The following TTN variants were observed in gnomAD, a reference collection of about 807,000 sequenced individuals.
TTN encodes titin.
In TTN, 1,525 loss-of-function variants were observed where a neutral mutation model predicts 3,223.0. That is an observed-to-expected ratio of 0.47 (90% CI 0.45 to 0.49). TTN has a LOEUF of 0.49. Ranked by LOEUF, TTN falls within the 20% of genes least tolerant of loss-of-function variation. The probability of loss-of-function intolerance (pLI) is 0.00; values close to 1 mark genes in which losing one functional copy is unlikely to be tolerated. For synonymous variants in TTN, 14,094 were observed against 15,161.0 expected, an observed-to-expected ratio of 0.93 and a Z score of 5.17; for missense variants, 40,786 against 43,424.0, an observed-to-expected ratio of 0.94 and a Z score of 5.40.
Position 178,790,756 on chromosome 2 carries a change from T to C in TTN, c.1752A>G (p.Gln584=), listed in dbSNP as rs1438893569. The C allele has an allele frequency of 3.7e-6, 6 of 1,614,168 alleles. No homozygotes were observed. The highest frequency in any genetic ancestry group is 5.1e-6 in the Non-Finnish European group (6 of 1,180,004). ...GATCTTGTTGTGTGGTAGTTTCTTC[T>C]TGAGCTCCCGGGACTGTTTCTAGTT... ...STKLETVPGA[Q]EETTTQQDQM... Residue 584 remains glutamine (Q), a synonymous_variant, in exon 11 of 363, where the codon CAA becomes CAG. Transcript: ENST00000589042.
intron 288 of TTN, 146 bp downstream of exon 288, chr2:178,600,708 G>A (rs2053151113): frequency 5.6e-6 from 5 of 900,360 alleles, no homozygotes; most frequent in Non-Finnish European, 8.9e-6. Context: ...GAAGGAATGA[G>A]TAATTAAGTA....
At position 178,538,817 on chromosome 2, in the gene TTN, T is replaced by A; in HGVS notation, c.99012A>T (p.Glu33004Asp). The change falls in exon 354 of 363, where the codon GAA (glutamate) becomes GAT (aspartate). Residue 33004 changes from glutamate (E) to aspartate (D), a missense_variant. By Grantham distance (45) the Glu-to-Asp change is conservative. Coordinates refer to ENST00000589042, the MANE Select transcript of TTN (RefSeq NM_001267550.2). ...CTTTGGATATTGAAAGAATCTCAAG[T>A]TCTCCTGGTTGGCTTGGTTTATCTG... is the stretch of plus-strand genomic sequence containing the variant. ...DPFDKPSQPG[E>D]LEILSISKDS... 1 of 1,608,732 alleles carries A rather than the reference T, an allele frequency of 6.2e-7. No homozygotes were observed. Among genetic ancestry groups the A allele is most frequent in the Non-Finnish European group, 8.5e-7 (1 of 1,176,992 alleles).
At chr2:178,748,326 T>C in intron 47 of TTN, 1 of 1,613,040 alleles carries the variant, frequency 6.2e-7, no homozygotes, top group Non-Finnish European at 8.5e-7. Flanking sequence ...TCATCAATAC[T>C]ACTTTTCTCC....
rs1341976262 is a variant in TTN, at chr2:178,655,279, T to TAG, written c.38039-285_38039-284insCT. Reference sequence around the variant, plus strand: ...CAATAAATTAGGTATTGATGGGACATATCTCAAAATAATAAGAGCTATTTA... The same window carrying TAG: ...CAATAAATTAGGTATTGATGGGACATAGATCTCAAAATAATAAGAGCTATTTA... On this transcript the variant is annotated intron_variant, in intron 189 of 362. Transcript: ENST00000589042. Among the ~76,000 whole-genome samples the TAG allele has an allele frequency of 1.4e-5, 2 of 138,888 alleles. 1 individual carries two copies. Among genetic ancestry groups the TAG allele is most frequent in the African/African-American group, 6.0e-5 (2 of 33,194 alleles). 91.1% of individuals were successfully genotyped at this position (138,888 alleles called of 152,430 possible). A position where few individuals can be genotyped will look rare whatever the true frequency, so the allele number is the denominator to read the frequency against.
chr2:178,530,375 C>T lies in TTN; in HGVS notation c.106240G>A (p.Glu35414Lys), dbSNP rs1558984927. 1 of 1,613,808 alleles carries T rather than the reference C, an allele frequency of 6.2e-7. No homozygotes were observed. The highest frequency in any genetic ancestry group is 1.7e-5 in the Admixed American group (1 of 60,010). The change falls in exon 358 of 363, where the codon GAA becomes AAA. Residue 35414 changes from glutamate (E) to lysine (K), a missense_variant. By Grantham distance (56) the Glu-to-Lys change is moderately conservative. Coordinates refer to ENST00000589042, the MANE Select transcript of TTN (RefSeq NM_001267550.2). Reference protein sequence around the residue: ...VTRKTEPKAPEPISSKPVIVT... With the variant: ...VTRKTEPKAPKPISSKPVIVT... ...ATTACTGGTTTTGAGGAAATTGGTTCAGGAGCTTTTGGTTCAGTTTTTCTG... is the reference window on the plus strand; with the variant it reads ...ATTACTGGTTTTGAGGAAATTGGTTTAGGAGCTTTTGGTTCAGTTTTTCTG...
At position 178,768,806 on chromosome 2, in the gene TTN, T is replaced by C. The variant is rs1263075487; in HGVS notation, c.9030A>G (p.Ser3010=). ...KWLKNGVEIK[S]TDKCQMRTKK... is the part of the protein sequence containing the mutation. The stretch of plus-strand genomic sequence containing the variant: ...TGGTTCTCATCTGGCACTTGTCAGT[T>C]GATTTGATTTCCACACCATTCTTTA... The change falls in exon 38 of 363, where the codon TCA becomes TCG. Residue 3010 remains serine, a synonymous_variant. Coordinates refer to ENST00000589042, the MANE Select transcript of TTN (RefSeq NM_001267550.2). 1.2e-6 allele frequency: 2 copies of C among 1,614,130 alleles called. No homozygotes were observed. Among genetic ancestry groups the C allele is most frequent in the Non-Finnish European group, 1.7e-6 (2 of 1,180,016 alleles).
At position 178,599,540 on chromosome 2, in the gene TTN, C is replaced by A; in HGVS notation, c.56347+14G>T. ...GAAAAACAAGTAATTTTAACCAAAC[C>A]ATGCAGTCTTTACCCAGGACATTCA... On this transcript the variant is annotated intron_variant, in intron 289 of 362. Transcript: ENST00000589042. 1.3e-6 allele frequency: 2 copies of A among 1,531,828 alleles called. No individual in the cohort carries two copies. The highest frequency in any genetic ancestry group is 1.3e-5 in the South Asian group (1 of 75,354). The allele number at this position is 1,531,828 out of a possible 1,614,324, so 94.9% of individuals were successfully genotyped here. A position where few individuals can be genotyped will look rare whatever the true frequency, so the allele number is the denominator to read the frequency against.
At chr2:178,701,328 A>G in intron 110 of TTN, 125 bp from the exon 111 acceptor site, 2 of 1,054,480 alleles carry the variant, frequency 1.9e-6, no homozygotes, top group East Asian at 2.5e-5. Context: ...ATCAGTCGGA[A>G]CAAATAAAAG....
rs2092247232 is a variant in TTN, at chr2:178,776,535, A to G, written c.5329T>C (p.Cys1777Arg). The G allele has an allele frequency of 6.2e-7, 1 of 1,610,910 alleles. No homozygotes were observed. The highest frequency in any genetic ancestry group is 8.5e-7 in the Non-Finnish European group (1 of 1,179,988). ...AYSRDSGIITCRATNKYGTDH... is the reference protein window; with the variant it reads ...AYSRDSGIITRRATNKYGTDH... ...GTTCCATATTTGTTAGTGGCTCTGC[A>G]AGTAATGATACCACTGTCTCTAGAA... Residue 1777 changes from cysteine to arginine, a missense_variant, in exon 28 of 363, where the codon TGC becomes CGC. Physicochemically the swap from Cys to Arg is radical, Grantham distance 180. Transcript: ENST00000589042.
intron 45 of TTN, among the ~76,000 whole-genome samples, chr2:178,757,231 T>TA (rs1252574568): frequency 5.2e-4 from 77 of 148,750 alleles, no homozygotes; most frequent in Admixed American, 1.0e-3. Context: ...TAAGTAATAA[T>TA]CAGCAAATAG....
rs117386090 is a variant in TTN at position 178,698,553 on chromosome 2, T to C, written c.30754+290A>G. ...ATAAAAAAGAAAAAAAAAGAATAGCTGTTGGATTTCTGGGCAAGACCTTCT... is the reference window on the plus strand; with the variant it reads ...ATAAAAAAGAAAAAAAAAGAATAGCCGTTGGATTTCTGGGCAAGACCTTCT... On this transcript the variant is annotated intron_variant, in intron 112 of 362. Coordinates refer to ENST00000589042, the MANE Select transcript of TTN (RefSeq NM_001267550.2). Among the ~76,000 whole-genome samples, 7 of 151,918 alleles carry C rather than the reference T, an allele frequency of 4.6e-5. No homozygotes were observed. The East Asian group carries it at 1.2e-3, about 25-fold the overall frequency.
intron 47 of TTN, chr2:178,745,445 T>A (rs3813240): frequency 0.027 from 40,271 of 1,471,170 alleles, 930 homozygotes; most frequent in East Asian, 0.13. Context: ...TACATAGAGA[T>A]TATTTCTTTA....
Position 178,633,336 on chromosome 2 carries a change from T to A in TTN, c.42947-10A>T. 1 of 1,612,980 alleles carries A rather than the reference T, an allele frequency of 6.2e-7. No individual in the cohort carries two copies. ...ACTTTTATTAGTCGAGCTGAAATGA[T>A]ACAGTTTTGTTAGCATGACTGAACT... On this transcript the variant is annotated splice_polypyrimidine_tract_variant and intron_variant, in intron 232 of 362. Transcript: ENST00000589042.
chr2:178,617,301 C>G (rs1408498082), intron 254 of TTN, 24 bp downstream of exon 254: 1 of 1,545,592 alleles, frequency 6.5e-7, no homozygotes, highest in Non-Finnish European at 8.7e-7. Context: ...ATTGAATATT[C>G]TTTTTTATAT....
rs1559976086 is a variant in TTN at position 178,634,716 on chromosome 2, C to T, written c.42151+7G>A. 1 of 1,612,842 alleles carries T rather than the reference C, an allele frequency of 6.2e-7. No individual in the cohort carries two copies. The highest frequency in any genetic ancestry group is 8.5e-7 in the Non-Finnish European group (1 of 1,179,328). On this transcript the variant is annotated splice_region_variant and intron_variant, in intron 229 of 362. Coordinates refer to ENST00000589042, the MANE Select transcript of TTN (RefSeq NM_001267550.2). This position sits in a 1 kb window ranked among gnomAD's most constrained non-coding sequence, Gnocchi z 4.6. The stretch of plus-strand genomic sequence containing the variant: ...AGACCCCTCCCCAAATTCTAAAAGC[C>T]CCATACCTTTTACTGTCAAAATGGC...
At position 178,694,593 on chromosome 2, in the gene TTN, GTA is replaced by G. The variant is rs763616324; in HGVS notation, c.31426+4_31426+5del. The G allele has an allele frequency of 6.4e-7, 1 of 1,550,828 alleles. No homozygotes were observed. The highest frequency in any genetic ancestry group is 1.9e-5 in the Admixed American group (1 of 51,344). On this transcript the variant is annotated splice_donor_5th_base_variant and intron_variant, in intron 117 of 362. Coordinates refer to ENST00000589042, the MANE Select transcript of TTN (RefSeq NM_001267550.2). ...GAACTTGTAGCTGAAACACAAAGAT[GTA>G]TACCTTTCACTTCAATAACTTCTTC...
intron 6 of TTN, among the ~76,000 whole-genome samples, 180 bp from the exon 7 acceptor site, chr2:178,795,432 A>G (rs1481196787): frequency 6.6e-6 from 1 of 152,132 alleles, no homozygotes; most frequent in Non-Finnish European, 1.5e-5. Flanking sequence ...CAATAAACCT[A>G]TTCTTATCTG....
At position 178,621,103 on chromosome 2, in the gene TTN, A is replaced by T. The variant is rs570314896; in HGVS notation, c.45615T>A (p.Ile15205=). 1.2e-6 allele frequency: 2 copies of T among 1,611,702 alleles called. No homozygotes were observed. Among genetic ancestry groups the T allele is most frequent in the South Asian group, 2.2e-5 (2 of 90,756 alleles). ...CCCTAAAAGCAAGAACAAACTTACC[A>T]ATGACTGTCAAGTGAGCTGCTGCTC... is the stretch of plus-strand genomic sequence containing the variant. ...AARAAAHLTV[I]EKLRIVVPLK... Residue 15205 remains isoleucine (I), a splice_region_variant and synonymous_variant, in exon 246 of 363, where the codon ATT becomes ATA. Transcript: ENST00000589042.
rs1427580402 is a variant in TTN at position 178,601,288 on chromosome 2, C to T, written c.55709G>A (p.Arg18570Lys). ...GIGPPVETIQ[R>K]TTARDPIYPP... Reference sequence around the variant, plus strand: ...ACATATCGGATCTCTGGCAGTGGTCCTCTGAATGGTTTCCACAGGTGGGCC... The same window carrying T: ...ACATATCGGATCTCTGGCAGTGGTCTTCTGAATGGTTTCCACAGGTGGGCC... The change falls in exon 287 of 363, where the codon AGG (arginine) becomes AAG (lysine). Residue 18570 changes from arginine to lysine, a missense_variant. Transcript: ENST00000589042. 4.5e-6 allele frequency: 7 copies of T among 1,569,428 alleles called. No individual in the cohort carries two copies. Among genetic ancestry groups the T allele is most frequent in the Admixed American group, 1.9e-5 (1 of 52,864 alleles).
Sources: gnomAD v4.1 joint callset for allele counts (sites outside exome capture counted in the v4.1 genomes callset) on GRCh38, gnomAD v4.1.1 for gene constraint, Gnocchi (gnomAD v3.1) non-coding constraint, MANE v1.5 for transcripts, NCBI Gene and HGNC (gene_info 2026-07-23, HGNC 2026-07-21) for gene names.